The following PJA2 variants were observed in gnomAD, a reference collection of about 807,000 sequenced individuals.
PJA2 encodes the protein E3 ubiquitin-protein ligase Praja-2.
PJA2 carries 25 observed loss-of-function variants against 69.3 expected under a neutral mutation model. That is an observed-to-expected ratio of 0.36 (90% CI 0.26 to 0.50). The LOEUF (loss-of-function observed/expected upper bound fraction) is 0.50. Among genes scored for constraint, PJA2 ranks in the 20% least tolerant of loss-of-function variants. The pLI is 0.96. For missense variants in PJA2, 809 were observed against 830.2 expected (o/e 0.97, Z 0.31); for synonymous variants, 308 against 277.8 (o/e 1.11, Z -1.08).
At chr5:109,367,120 C>T (rs1686660138) in intron 5 of PJA2, among the ~76,000 whole-genome samples, 1 of 132,316 alleles carries the variant, frequency 7.6e-6, no homozygotes, top group Admixed American at 7.8e-5. Flanking sequence ...CAACAGAGAG[C>T]AAGACTCCGT....
intron 1 of PJA2, among the ~76,000 whole-genome samples, chr5:109,408,881 T>C (rs1308055836): frequency 2.0e-5 from 3 of 152,262 alleles, no homozygotes; most frequent in Non-Finnish European, 4.4e-5. Context: ...CAAAGGTGAC[T>C]GCCATTTTAA....
At chr5:109,377,690 C>T (rs969034876) in intron 4 of PJA2, among the ~76,000 whole-genome samples, 6 of 151,796 alleles carry the variant, frequency 4.0e-5, no homozygotes, top group African/African-American at 1.5e-4. Context: ...ATCTACCACA[C>T]AGAGTTGTTA....
intron 4 of PJA2, among the ~76,000 whole-genome samples, chr5:109,371,234 G>T (rs138038703): frequency 6.6e-6 from 1 of 152,028 alleles, no homozygotes; most frequent in South Asian, 2.1e-4. Flanking sequence ...ACTTTTAAAT[G>T]CATATCCCCA....
chr5:109,345,513 CAAAAA>C (rs531364060), intron 7 of PJA2, among the ~76,000 whole-genome samples: 3 of 91,816 alleles, frequency 3.3e-5, no homozygotes, highest in East Asian at 3.4e-4. Flanking sequence ...GACTCTGTCT[CAAAAA>C]AAAAAAAAAA....
rs773092707 is a variant in PJA2, at chr5:109,378,300, G to A, written c.1187C>T (p.Ser396Leu). ...CCTTCCTGCTGTGGCTCCACTTTCTGATGTCATTTGGTTATTTTCTGTTTC... is the reference window on the plus strand; with the variant it reads ...CCTTCCTGCTGTGGCTCCACTTTCTAATGTCATTTGGTTATTTTCTGTTTC... ...QRETENNQMT[S>L]ESGATAGRQE... Residue 396 changes from serine to leucine, a missense_variant, in exon 4 of 10, where the codon TCA becomes TTA. Transcript: ENST00000361189. The A allele has an allele frequency of 2.5e-6, 4 of 1,614,046 alleles. No individual in the cohort carries two copies. The South Asian group carries it at 4.4e-5, about 18-fold the overall frequency.
chr5:109,386,574 AC>A (rs1273319685), intron 1 of PJA2, among the ~76,000 whole-genome samples: 1 of 152,114 alleles, frequency 6.6e-6, no homozygotes, highest in African/African-American at 2.4e-5. Flanking sequence ...TTAATCAGCT[AC>A]TTCTGTGGAA....
intron 4 of PJA2, among the ~76,000 whole-genome samples, chr5:109,376,787 G>C (rs956264889): frequency 6.6e-6 from 1 of 152,004 alleles, no homozygotes; most frequent in African/African-American, 2.4e-5. Context: ...TTGGAATTTT[G>C]ATATATATTT....
rs777024556 is a variant in PJA2 at position 109,337,215 on chromosome 5, T to C, written c.*16A>G. 1.7e-5 allele frequency: 27 copies of C among 1,612,410 alleles called. No individual in the cohort carries two copies. The highest frequency in any genetic ancestry group is 1.7e-4 in the Middle Eastern group (1 of 5,718). On this transcript the variant is annotated 3_prime_UTR_variant, in exon 10 of 10. Coordinates refer to ENST00000361189, the MANE Select transcript of PJA2 (RefSeq NM_014819.5). ...GATTTACTTTGATACACTGATCTCA[T>C]TTCAACTGTCAAGGTTTAGGGTGCT...
rs752606070 is a variant in PJA2, at chr5:109,378,938, A to G, written c.549T>C (p.Leu183=). ...KHGEDNDHLQ[L]SAEVVEGSRY... is the part of the protein sequence containing the mutation. ...TACTACCTTCCACGACTTCTGCAGA[A>G]AGTTGAAGATGGTCATTATCTTCTC... The change falls in exon 4 of 10, where the codon CTT becomes CTC. Residue 183 remains leucine (L), a synonymous_variant. Transcript: ENST00000361189. 2 of 1,614,226 alleles carry G rather than the reference A, an allele frequency of 1.2e-6. No individual in the cohort carries two copies. The highest frequency in any genetic ancestry group is 4.5e-5 in the East Asian group (2 of 44,886).
rs1301822008 is a variant in PJA2 at position 109,344,179 on chromosome 5, C to G, written c.2001+11G>C. ...AAGTATTTTTAAATTTTTAATTATT[C>G]TATCACTCACCTTTTGTAGCCAAAT... On this transcript the variant is annotated intron_variant, in intron 9 of 9. Coordinates refer to ENST00000361189, the MANE Select transcript of PJA2 (RefSeq NM_014819.5). The G allele has an allele frequency of 2.2e-6, 3 of 1,335,940 alleles. No individual in the cohort carries two copies. Among genetic ancestry groups the G allele is most frequent in the Non-Finnish European group, 3.0e-6 (3 of 1,003,354 alleles). 82.8% of individuals were successfully genotyped at this position (1,335,940 alleles called of 1,614,324 possible).
intron 1 of PJA2, among the ~76,000 whole-genome samples, chr5:109,388,088 T>C (rs528294274): frequency 3.9e-5 from 6 of 152,286 alleles, no homozygotes; most frequent in Admixed American, 2.0e-4. Flanking sequence ...GTGTGATGGA[T>C]GTGACTGTGT....
At chr5:109,364,806 T>C (rs78116747) in intron 5 of PJA2, among the ~76,000 whole-genome samples, 1,962 of 151,672 alleles carry the variant, frequency 0.013, 18 homozygotes, top group Non-Finnish European at 0.021. Context: ...AACATCAATA[T>C]ATATCAACAG....
chr5:109,370,005 C>A (rs2127002266), intron 4 of PJA2, among the ~76,000 whole-genome samples: 1 of 140,306 alleles, frequency 7.1e-6, no homozygotes, highest in South Asian at 2.2e-4. Flanking sequence ...GCACTCCAGC[C>A]TGGGCAACAG....
At chr5:109,369,422 T>C (rs1453572876) in intron 4 of PJA2, among the ~76,000 whole-genome samples, 2 of 152,222 alleles carry the variant, frequency 1.3e-5, no homozygotes, top group Non-Finnish European at 2.9e-5. Flanking sequence ...GGTACCTAGA[T>C]AGGGGCTTGT....
At chr5:109,367,701 A>G (rs1267626820) in intron 5 of PJA2, among the ~76,000 whole-genome samples, 1 of 152,236 alleles carries the variant, frequency 6.6e-6, no homozygotes, top group Non-Finnish European at 1.5e-5. Flanking sequence ...GTAAAATATT[A>G]GAATCCAGCA....
At chr5:109,347,633 A>C (rs1034351898) in intron 7 of PJA2, among the ~76,000 whole-genome samples, 1 of 152,194 alleles carries the variant, frequency 6.6e-6, no homozygotes, top group East Asian at 1.9e-4. Context: ...ATGTTCCAGA[A>C]GGCAAATTTC....
At chr5:109,380,053 C>T (rs1274116911) in intron 3 of PJA2, among the ~76,000 whole-genome samples, 2 of 146,664 alleles carry the variant, frequency 1.4e-5, no homozygotes, top group East Asian at 2.0e-4. Context: ...ATATATGGTA[C>T]GAAGGGTTCT....
chr5:109,391,959 G>A (rs1747291565), intron 1 of PJA2, among the ~76,000 whole-genome samples: 1 of 152,116 alleles, frequency 6.6e-6, no homozygotes, highest in East Asian at 1.9e-4. Flanking sequence ...ACATAACTAC[G>A]TGAAGAAAAA....
At chr5:109,406,572 T>C (rs1226535176) in intron 1 of PJA2, among the ~76,000 whole-genome samples, 2 of 152,080 alleles carry the variant, frequency 1.3e-5, no homozygotes, top group Non-Finnish European at 2.9e-5. Flanking sequence ...ACACTGCTGA[T>C]GGATATGTAA....
Sources: allele counts gnomAD v4.1 joint callset (sites outside exome capture counted in the v4.1 genomes callset), GRCh38; gene constraint gnomAD v4.1.1; transcripts MANE v1.5; gene names NCBI Gene and HGNC (gene_info 2026-07-23, HGNC 2026-07-21).